CSMD1: variants seen among roughly 807,000 people sequenced by gnomAD.
The protein encoded by CSMD1 is CUB and sushi domain-containing protein 1.
A neutral mutation model predicts 417.5 loss-of-function variants in CSMD1; 213 were observed. The observed-to-expected ratio is 0.51, with a 90% CI of 0.46 to 0.57. The LOEUF is 0.57. CSMD1 is among the 20% of genes least tolerant of loss of function. The pLI is 0.00. For missense variants in CSMD1, 6,923 were observed against 4,529.7 expected, an observed-to-expected ratio of 1.53 and a Z score of -15.17; for synonymous variants, 2,862 against 1,736.8, an observed-to-expected ratio of 1.65 and a Z score of -16.11.
At chr8:4,483,329 G>A (rs1038871817) in intron 2 of CSMD1, among the ~76,000 whole-genome samples, 3 of 152,046 alleles carry the variant, frequency 2.0e-5, no homozygotes, top group African/African-American at 7.2e-5. Context: ...TGTGTTTATC[G>A]GCAGCATGAA....
At chr8:3,848,232 C>G (rs1803646928) in intron 5 of CSMD1, among the ~76,000 whole-genome samples, 1 of 152,158 alleles carries the variant, frequency 6.6e-6, no homozygotes, top group African/African-American at 2.4e-5. Flanking sequence ...TGATCCTGCC[C>G]TTAATACCTG....
At chr8:3,526,020 T>C (rs750783010) in intron 10 of CSMD1, among the ~76,000 whole-genome samples, 2 of 152,158 alleles carry the variant, frequency 1.3e-5, no homozygotes, top group Non-Finnish European at 2.9e-5. Context: ...GGAGCTTAAA[T>C]AATTTACCCA....
intron 4 of CSMD1, among the ~76,000 whole-genome samples, chr8:4,007,289 A>T (rs1404298141): frequency 2.0e-5 from 3 of 152,184 alleles, no homozygotes; most frequent in Non-Finnish European, 4.4e-5. Context: ...GCATTATGTG[A>T]GCTGGAATGT....
At chr8:2,957,969 A>C (rs1803138289) in intron 62 of CSMD1, among the ~76,000 whole-genome samples, 162 bp from the exon 63 acceptor site, 1 of 152,244 alleles carries the variant, frequency 6.6e-6, no homozygotes, top group South Asian at 2.1e-4. Flanking sequence ...ACTGCCTGCT[A>C]CAGTGTTACA....
intron 26 of CSMD1, among the ~76,000 whole-genome samples, chr8:3,271,078 CT>C (rs970900832): frequency 6.0e-5 from 7 of 117,292 alleles, no homozygotes; most frequent in Admixed American, 5.9e-4. Flanking sequence ...TCCTTCCCCC[CT>C]CCCCCCACCC....
intron 3 of CSMD1, among the ~76,000 whole-genome samples, chr8:4,182,710 A>G (rs1798446224): frequency 6.6e-6 from 1 of 152,164 alleles, no homozygotes; most frequent in South Asian, 2.1e-4. Flanking sequence ...TTAAGTTAGA[A>G]AGAAAAAGAA....
At chr8:4,809,675 G>C (rs563086334) in intron 1 of CSMD1, among the ~76,000 whole-genome samples, 7 of 152,140 alleles carry the variant, frequency 4.6e-5, no homozygotes, top group Non-Finnish European at 1.0e-4. Flanking sequence ...TATTTAAAAA[G>C]GCTAAAACTG....
chr8:3,829,260 T>C (rs1346089076), intron 5 of CSMD1, among the ~76,000 whole-genome samples: 3 of 152,140 alleles, frequency 2.0e-5, no homozygotes, highest in Non-Finnish European at 4.4e-5. Context: ...CTCCCACATA[T>C]GAGTGAGAAA....
At chr8:4,406,198 C>T (rs1035333985) in intron 3 of CSMD1, among the ~76,000 whole-genome samples, 14 of 152,146 alleles carry the variant, frequency 9.2e-5, no homozygotes, top group African/African-American at 2.4e-4. Flanking sequence ...CCACTGGCAC[C>T]GCATTCTACT....
chr8:3,600,799 T>C (rs183741468), intron 8 of CSMD1, among the ~76,000 whole-genome samples: 6 of 151,692 alleles, frequency 4.0e-5, no homozygotes, highest in East Asian at 3.9e-4. Flanking sequence ...GAATGTTTTG[T>C]AACATTCATA....
At chr8:3,076,789 TG>T (rs912277806) in intron 49 of CSMD1, among the ~76,000 whole-genome samples, 2 of 152,184 alleles carry the variant, frequency 1.3e-5, no homozygotes, top group Non-Finnish European at 2.9e-5. Context: ...CGCAAAATGC[TG>T]GGGATTCGAA....
chr8:3,723,753 A>G (rs1336348930), intron 6 of CSMD1, among the ~76,000 whole-genome samples: 1 of 152,186 alleles, frequency 6.6e-6, no homozygotes, highest in Non-Finnish European at 1.5e-5. Context: ...TTAGATACAG[A>G]CACTAACATT....
chr8:3,337,604 A>G (rs746081800), intron 23 of CSMD1, among the ~76,000 whole-genome samples: 19 of 152,190 alleles, frequency 1.2e-4, no homozygotes, highest in Non-Finnish European at 2.4e-4. Context: ...GGGAATGCAT[A>G]TCCACAAAAC....
chr8:4,577,800 C>G (rs1410398930), intron 2 of CSMD1, among the ~76,000 whole-genome samples: 1 of 152,154 alleles, frequency 6.6e-6, no homozygotes, highest in African/African-American at 2.4e-5. Context: ...AAAAAAGATA[C>G]CTGATTTAGA....
chr8:3,935,509 TC>T (rs1370220100), intron 5 of CSMD1, among the ~76,000 whole-genome samples: 1 of 152,206 alleles, frequency 6.6e-6, no homozygotes, highest in African/African-American at 2.4e-5. Flanking sequence ...GTTTTTGGTG[TC>T]TGTGCCACAT....
At chr8:3,919,431 G>C (rs541969592) in intron 5 of CSMD1, among the ~76,000 whole-genome samples, 13 of 152,018 alleles carry the variant, frequency 8.6e-5, no homozygotes, top group African/African-American at 2.9e-4. Flanking sequence ...ATGTTTTTTG[G>C]TTAGTTGGCA....
intron 5 of CSMD1, among the ~76,000 whole-genome samples, chr8:3,928,444 C>G (rs1036096986): frequency 6.6e-6 from 1 of 152,176 alleles, no homozygotes; most frequent in Non-Finnish European, 1.5e-5. Context: ...AAACCAGTAA[C>G]TGCTGAATTA....
At chr8:4,200,699 T>C (rs1267299209) in intron 3 of CSMD1, among the ~76,000 whole-genome samples, 1 of 151,960 alleles carries the variant, frequency 6.6e-6, no homozygotes, top group African/African-American at 2.4e-5. Flanking sequence ...CTACAAAACA[T>C]AACAATTAAA....
At chr8:3,249,755 G>GT (rs5888955) in intron 26 of CSMD1, among the ~76,000 whole-genome samples, 5 of 151,920 alleles carry the variant, frequency 3.3e-5, no homozygotes, top group African/African-American at 1.2e-4. Context: ...GTTTATTTCC[G>GT]TTTTTTTTAA....
Sources: allele counts gnomAD v4.1 joint callset (sites outside exome capture counted in the v4.1 genomes callset), GRCh38; gene constraint gnomAD v4.1.1; transcripts MANE v1.5; gene names NCBI Gene and HGNC (gene_info 2026-07-23, HGNC 2026-07-21).